Variants in MCOLN3 observed in about 807,000 individuals in gnomAD.
MCOLN3 encodes the protein mucolipin-3.
A neutral mutation model predicts 69.4 loss-of-function variants in MCOLN3; 62 were observed. The observed-to-expected ratio is 0.89, with a 90% CI of 0.73 to 1.10. The LOEUF (loss-of-function observed/expected upper bound fraction) is 1.10, where lower values mean the gene tolerates loss of function less well. Among genes scored for constraint, MCOLN3 ranks in the 50% least tolerant of loss-of-function variants. The pLI is 0.00. For missense variants in MCOLN3, 564 were observed against 656.4 expected, an observed-to-expected ratio of 0.86 and a Z score of 1.54; for synonymous variants, 183 against 217.0, an observed-to-expected ratio of 0.84 and a Z score of 1.38.
rs1259329857 is a variant in MCOLN3, at chr1:85,037,867, C to T, written c.396+3143G>A. 3.3e-5 allele frequency among the ~76,000 whole-genome samples: 5 copies of T among 152,190 alleles called. No individual in the cohort carries two copies. In the East Asian group the frequency reaches 9.6e-4, roughly 29 times the overall value. ...TTAATTAGTCTGGGCATCCGTCCCTCCTGGTCTCTGCAGCTCTGCCTTGAG... is the reference window on the plus strand; with the variant it reads ...TTAATTAGTCTGGGCATCCGTCCCTTCTGGTCTCTGCAGCTCTGCCTTGAG... On this transcript the variant is annotated intron_variant, in intron 3 of 12. Coordinates refer to ENST00000370589, the MANE Select transcript of MCOLN3 (RefSeq NM_018298.11).
intron 3 of MCOLN3, among the ~76,000 whole-genome samples, chr1:85,037,707 A>G (rs1652862929): frequency 6.6e-6 from 1 of 152,246 alleles, no homozygotes. Context: ...GTCCAGCTAG[A>G]GGGCAGCTCT....
At chr1:85,033,961 A>T in intron 4 of MCOLN3, 137 bp downstream of exon 4, 1 of 925,646 alleles carries the variant, frequency 1.1e-6, no homozygotes, top group Non-Finnish European at 1.6e-6. Flanking sequence ...AGTACCTGAC[A>T]CATAATAACT....
intron 5 of MCOLN3, 38 bp downstream of exon 5, chr1:85,032,834 G>A (rs761503078): frequency 7.4e-6 from 12 of 1,613,192 alleles, no homozygotes; most frequent in Admixed American, 6.7e-5. Flanking sequence ...CAATATATAC[G>A]TGCAAACGTA....
chr1:85,037,385 G>A (rs561630069), intron 3 of MCOLN3, among the ~76,000 whole-genome samples: 12 of 152,254 alleles, frequency 7.9e-5, no homozygotes, highest in Non-Finnish European at 1.5e-4. Flanking sequence ...CTGTGATGGG[G>A]CCTACAACTC....
At chr1:85,039,391 C>G (rs1652953055) in intron 3 of MCOLN3, among the ~76,000 whole-genome samples, 1 of 152,198 alleles carries the variant, frequency 6.6e-6, no homozygotes, top group Non-Finnish European at 1.5e-5. Flanking sequence ...GTCCTTCTGC[C>G]TTCCATCATG....
intron 12 of MCOLN3, among the ~76,000 whole-genome samples, chr1:85,019,846 G>A (rs1260387103): frequency 6.6e-6 from 1 of 152,188 alleles, no homozygotes; most frequent in Non-Finnish European, 1.5e-5. Context: ...CTTCCAGCCA[G>A]GCAAGTTTGT....
intron 9 of MCOLN3, chr1:85,025,244 C>A (rs1386195298): frequency 2.6e-5 from 4 of 152,164 alleles, no homozygotes; most frequent in African/African-American, 9.7e-5. Flanking sequence ...CTTCTCTGAG[C>A]CATTGCATTT....
At chr1:85,026,931 T>C (rs1652254493) in intron 7 of MCOLN3, among the ~76,000 whole-genome samples, 1 of 151,992 alleles carries the variant, frequency 6.6e-6, no homozygotes, top group Non-Finnish European at 1.5e-5. Context: ...TTTTTAATTT[T>C]TTTGTAGAGA....
At chr1:85,028,918 GC>G (rs1457333272) in intron 7 of MCOLN3, among the ~76,000 whole-genome samples, 187 bp downstream of exon 7, 2 of 152,104 alleles carry the variant, frequency 1.3e-5, no homozygotes, top group Non-Finnish European at 2.9e-5. Context: ...GGAGAGGAAG[GC>G]CATTTCAGTT....
intron 1 of MCOLN3, chr1:85,047,193 C>T (rs1024114014): frequency 6.6e-6 from 1 of 152,222 alleles, no homozygotes; most frequent in Admixed American, 6.5e-5. Flanking sequence ...AAACTAGCCA[C>T]ACACCATGTA....
In MCOLN3 at chr1:85,022,297, A is replaced by G; in HGVS notation, c.1197+2T>C. On this transcript the variant is annotated splice_donor_variant, in intron 10 of 12. Coordinates refer to ENST00000370589, the MANE Select transcript of MCOLN3 (RefSeq NM_018298.11). LOFTEE classifies it high-confidence loss of function. ...AGCATGGAGATCCGTGGAATTCCTT[A>G]CGTTGTACTTTGCAAAGAAACCGAG... The G allele has an allele frequency of 6.2e-7, 1 of 1,613,882 alleles. No individual in the cohort carries two copies. The highest frequency in any genetic ancestry group is 8.5e-7 in the Non-Finnish European group (1 of 1,179,782).
intron 9 of MCOLN3, among the ~76,000 whole-genome samples, chr1:85,024,216 CT>C (rs1308231784): frequency 6.6e-6 from 1 of 151,954 alleles, no homozygotes; most frequent in African/African-American, 2.4e-5. Flanking sequence ...AGATTAACTA[CT>C]TTTTTGAGAT....
Position 85,033,336 on chromosome 1 carries a change from G to A in MCOLN3, c.551-380C>T, listed in dbSNP as rs3768236. Reference sequence around the variant, plus strand: ...CAGTAATATTTTCTAAGCAGTTTGAGGGATCTATTTTTAAAATATTATGCA... The same window carrying A: ...CAGTAATATTTTCTAAGCAGTTTGAAGGATCTATTTTTAAAATATTATGCA... On this transcript the variant is annotated intron_variant, in intron 4 of 12. Coordinates refer to ENST00000370589, the MANE Select transcript of MCOLN3 (RefSeq NM_018298.11). Among the ~76,000 whole-genome samples the A allele has an allele frequency of 2.1e-3, 314 of 152,074 alleles. 7 individuals are homozygous for A. The East Asian group carries it at 0.055, about 26-fold the overall frequency.
In MCOLN3 at chr1:85,048,479, G is replaced by T; in HGVS notation, c.-86C>A. On this transcript the variant is annotated 5_prime_UTR_variant, in exon 1 of 13. Transcript: ENST00000370589. ...GTCAGCGAGCGACTCCAGCAGCCTC[G>T]AGCCCCGCTCCGCCCAGAGTCAGAC... The T allele has an allele frequency of 6.6e-6, 1 of 152,436 alleles. No homozygotes were observed. The highest frequency in any genetic ancestry group is 2.0e-4 in the South Asian group (1 of 4,910). The allele number at this position is 152,436 out of a possible 1,614,324, so 9.4% of individuals were successfully genotyped here.
chr1:85,045,389 CA>C (rs1471554524), intron 1 of MCOLN3, 27 bp from the exon 2 acceptor site: 12 of 1,553,612 alleles, frequency 7.7e-6, no homozygotes, highest in Non-Finnish European at 1.1e-5. Flanking sequence ...ACAACAACAA[CA>C]ACCAACATTT....
chr1:85,019,576 G>T (rs1309205746), intron 12 of MCOLN3, among the ~76,000 whole-genome samples: 1 of 152,210 alleles, frequency 6.6e-6, no homozygotes, highest in African/African-American at 2.4e-5. Flanking sequence ...GAGAACCTCT[G>T]TCACTACTCT....
chr1:85,045,393 C>T (rs761478660), intron 1 of MCOLN3, 31 bp from the exon 2 acceptor site: 2 of 1,517,614 alleles, frequency 1.3e-6, no homozygotes, highest in Non-Finnish European at 1.8e-6. Flanking sequence ...CAACAACAAC[C>T]AACATTTCCA....
chr1:85,046,535 C>T (rs1653363349), intron 1 of MCOLN3, among the ~76,000 whole-genome samples: 2 of 152,264 alleles, frequency 1.3e-5, no homozygotes, highest in East Asian at 3.9e-4. Context: ...CTTTATTTGA[C>T]ATTTTAATAA....
In MCOLN3 at chr1:85,032,969, G is replaced by A; in HGVS notation, c.551-13C>T. 6.8e-6 allele frequency: 11 copies of A among 1,612,464 alleles called. No individual in the cohort carries two copies. Among genetic ancestry groups the A allele is most frequent in the Non-Finnish European group, 7.6e-6 (9 of 1,178,992 alleles). On this transcript the variant is annotated splice_polypyrimidine_tract_variant and intron_variant, in intron 4 of 12. Coordinates refer to ENST00000370589, the MANE Select transcript of MCOLN3 (RefSeq NM_018298.11). ...ACAAAGAAACACTCTGCCATAGAAA[G>A]GAACAAAAACATGATACAGTACTTA... is the stretch of plus-strand genomic sequence containing the variant.
Sources: gnomAD v4.1 joint callset for allele counts (sites outside exome capture counted in the v4.1 genomes callset) on GRCh38, gnomAD v4.1.1 for gene constraint, MANE v1.5 for transcripts, NCBI Gene and HGNC (gene_info 2026-07-23, HGNC 2026-07-21) for gene names.